The following HUWE1 variants were observed in gnomAD, a reference collection of about 807,000 sequenced individuals.
The protein encoded by HUWE1 is E3 ubiquitin-protein ligase HUWE1.
In HUWE1, 18 loss-of-function variants were observed where a neutral mutation model predicts 299.4. The ratio of observed to expected loss-of-function variants is 0.06; its 90% CI spans 0.04 to 0.09. HUWE1 has a LOEUF of 0.09. Among genes scored for constraint, HUWE1 ranks in the 10% least tolerant of loss-of-function variants. HUWE1 has a pLI of 1.00. For synonymous variants in HUWE1, 1,317 were observed against 1,286.1 expected, an observed-to-expected ratio of 1.02 and a Z score of -0.51; for missense variants, 1,832 against 3,462.3, an observed-to-expected ratio of 0.53 and a Z score of 11.82.
intron 42 of HUWE1, among the ~76,000 whole-genome samples, chrX:53,582,899 T>C (rs960620012): frequency 8.9e-6 from 1 of 111,774 alleles, no homozygotes; most frequent in Non-Finnish European, 1.9e-5. Context: ...CACCTAGTCT[T>C]GAACTTCTAA....
rs2061736014 is a variant in HUWE1 at position 53,550,773 on chromosome X, A to G, written c.9386-5T>C. 8.3e-7 allele frequency: 1 copy of G among 1,209,330 alleles called. No homozygotes were observed. On this transcript the variant is annotated splice_region_variant and splice_polypyrimidine_tract_variant and intron_variant, in intron 65 of 83. Transcript: ENST00000262854. ...CACTTAAGCGACTGGTGAAAGCTGG[A>G]AGGAAAGAAAAAGAAAACTGAGATT...
In HUWE1 at chrX:53,578,613, C is replaced by T. The variant is rs1247332437; in HGVS notation, c.5717-1546G>A. 4.3e-5 allele frequency among the ~76,000 whole-genome samples: 4 copies of T among 92,618 alleles called. No individual in the cohort carries two copies. In the Admixed American group the frequency reaches 4.3e-4, roughly 10 times the overall value. 80.4% of individuals were successfully genotyped at this position (92,618 alleles called of 115,157 possible). Reference sequence around the variant, plus strand: ...CAGCCCCCTGCCCGGCCAGCCGCCCCGTCCGGGAGGGAGGTGGGGGAGTCA... The same window carrying T: ...CAGCCCCCTGCCCGGCCAGCCGCCCTGTCCGGGAGGGAGGTGGGGGAGTCA... On this transcript the variant is annotated intron_variant, in intron 43 of 83. Coordinates refer to ENST00000262854, the MANE Select transcript of HUWE1 (RefSeq NM_031407.7).
intron 55 of HUWE1, 57 bp downstream of exon 55, chrX:53,561,699 C>T: frequency 1.7e-6 from 2 of 1,207,738 alleles, no homozygotes; most frequent in Non-Finnish European, 2.2e-6. Flanking sequence ...TTGGCTTACC[C>T]TAGAGAAGGG....
intron 3 of HUWE1, among the ~76,000 whole-genome samples, chrX:53,675,922 G>A (rs145802310): frequency 3.2e-3 from 357 of 111,173 alleles, no homozygotes; most frequent in African/African-American, 0.011. Context: ...GGTAACCAAT[G>A]TAATACACAT....
rs781967765 is a variant in HUWE1, at chrX:53,552,792, T to C, written c.8596A>G (p.Thr2866Ala). 8.3e-7 allele frequency: 1 copy of C among 1,211,574 alleles called. No homozygotes were observed. Among genetic ancestry groups the C allele is most frequent in the East Asian group, 3.0e-5 (1 of 33,810 alleles). Reference sequence around the variant, plus strand: ...GTGTCACCCACAGCCTCCTCTAAGGTACAGGAAGCCAGGCTGCTTGTATCC... The same window carrying C: ...GTGTCACCCACAGCCTCCTCTAAGGCACAGGAAGCCAGGCTGCTTGTATCC... ...PMDTSSLASC[T>A]LEEAVGDTSA... is the part of the protein sequence containing the mutation. The change falls in exon 62 of 84, where the codon ACC becomes GCC. Residue 2866 changes from threonine to alanine, a missense_variant. This residue lies in a region of HUWE1 where 143 missense variants were observed against 148.1 expected (regional missense o/e 0.97). Transcript: ENST00000262854.
chrX:53,534,665 C>G lies in HUWE1; in HGVS notation c.12682G>C (p.Glu4228Gln). The change falls in exon 82 of 84, where the codon GAA becomes CAA. Residue 4228 changes from glutamate (E) to glutamine (Q), a missense_variant. Around this residue, in one of 15 missense-constraint regions of HUWE1, gnomAD observed 129 missense variants for 439.4 expected, o/e 0.29. Coordinates refer to ENST00000262854, the MANE Select transcript of HUWE1 (RefSeq NM_031407.7). ...TTTGGAATGATCTCATAGAAGCCTT[C>G]TAAGAAAGCCGCCAACTGCTTGCGG... The part of the protein sequence containing the change: ...AIRKQLAAFL[E>Q]GFYEIIPKRL... 1 of 1,211,190 alleles carries G rather than the reference C, an allele frequency of 8.3e-7. No individual in the cohort carries two copies. Among genetic ancestry groups the G allele is most frequent in the Non-Finnish European group, 1.1e-6 (1 of 895,378 alleles).
intron 46 of HUWE1, among the ~76,000 whole-genome samples, chrX:53,574,932 C>T (rs1556956874): frequency 8.9e-6 from 1 of 112,175 alleles, no homozygotes; most frequent in Non-Finnish European, 1.9e-5. Flanking sequence ...AATATGTTAC[C>T]ACAGCAACCA....
chrX:53,544,003 A>G (rs781829761), intron 72 of HUWE1, 35 bp from the exon 73 acceptor site: 29 of 1,116,934 alleles, frequency 2.6e-5, no homozygotes, highest in Non-Finnish European at 3.5e-5. Flanking sequence ...CAAGATATAA[A>G]ATATAGGAAG....
At chrX:53,599,966 C>T in intron 29 of HUWE1, 152 bp downstream of exon 29, 11 of 514,260 alleles carry the variant, frequency 2.1e-5, no homozygotes, top group Non-Finnish European at 3.4e-6. Context: ...CAAAGCCTGT[C>T]ACATAGCAGC....
intron 7 of HUWE1, among the ~76,000 whole-genome samples, chrX:53,644,442 G>A (rs1047666089): frequency 1.8e-5 from 2 of 111,514 alleles, no homozygotes; most frequent in African/African-American, 6.5e-5. Flanking sequence ...AATAGTAAGA[G>A]GAAATATTTA....
At chrX:53,660,761 T>C (rs2068958631) in intron 3 of HUWE1, among the ~76,000 whole-genome samples, 1 of 111,415 alleles carries the variant, frequency 9.0e-6, no homozygotes, top group Non-Finnish European at 1.9e-5. Context: ...TAAAGGAGGC[T>C]TATTAGCACA....
intron 73 of HUWE1, chrX:53,542,742 T>C (rs2061393896): frequency 2.3e-6 from 1 of 442,603 alleles, no homozygotes; most frequent in South Asian, 3.2e-5. Flanking sequence ...TTGTAAGCTT[T>C]TCCCAACAGC....
At chrX:53,682,800 G>A (rs782458272) in intron 2 of HUWE1, among the ~76,000 whole-genome samples, 1 of 111,533 alleles carries the variant, frequency 9.0e-6, no homozygotes, top group Non-Finnish European at 1.9e-5. Context: ...AGGGGAAATG[G>A]AAGAGGCAGG....
intron 19 of HUWE1, among the ~76,000 whole-genome samples, chrX:53,619,590 G>GAAA (rs35685121): frequency 7.8e-4 from 32 of 41,065 alleles, no homozygotes; most frequent in Middle Eastern, 0.015. Flanking sequence ...AGAAATAGAA[G>GAAA]AAAAAAAAAA....
At chrX:53,537,459 A>G in intron 78 of HUWE1, 97 bp downstream of exon 78, 1 of 885,922 alleles carries the variant, frequency 1.1e-6, no homozygotes, top group Non-Finnish European at 1.6e-6. Flanking sequence ...TAGGGAGGGC[A>G]GCACCTCCCT....
At chrX:53,648,043 A>T (rs782581468) in intron 5 of HUWE1, among the ~76,000 whole-genome samples, 169 bp downstream of exon 5, 23 of 112,090 alleles carry the variant, frequency 2.1e-4, no homozygotes, top group Admixed American at 1.9e-3. Context: ...AGCCAGCAAA[A>T]TTTTCCTTGC....
chrX:53,677,211 C>T (rs919038077), intron 3 of HUWE1, among the ~76,000 whole-genome samples: 1 of 107,555 alleles, frequency 9.3e-6, no homozygotes. Flanking sequence ...AATGCAAAAT[C>T]TGGGGCCCCT....
chrX:53,685,947 TTAAA>T (rs1292655345), intron 2 of HUWE1, among the ~76,000 whole-genome samples: 1 of 111,918 alleles, frequency 8.9e-6, no homozygotes, highest in Non-Finnish European at 1.9e-5. Flanking sequence ...CGGGAAATGG[TTAAA>T]TAAACTGTAG....
At chrX:53,586,410 A>C in intron 39 of HUWE1, 80 bp downstream of exon 39, 1 of 605,300 alleles carries the variant, frequency 1.7e-6, no homozygotes, top group Non-Finnish European at 2.8e-6. Context: ...ATTCTTCACT[A>C]CTCTCTCATA....
Sources: allele counts gnomAD v4.1 joint callset (sites outside exome capture counted in the v4.1 genomes callset), GRCh38; gene constraint gnomAD v4.1.1; regional missense constraint gnomAD v4.1.1; transcripts MANE v1.5; gene names NCBI Gene and HGNC (gene_info 2026-07-23, HGNC 2026-07-21).